Variants in LRP1B observed in about 807,000 individuals in gnomAD.
The protein encoded by LRP1B is LDL receptor related protein 1B, also known as low-density lipoprotein receptor-related protein 1B.
LRP1B carries 217 observed loss-of-function variants against 556.6 expected under a neutral mutation model. The ratio of observed to expected loss-of-function variants is 0.39; its 90% confidence interval spans 0.35 to 0.44. The LOEUF is 0.44. Ranked by LOEUF, LRP1B falls within the 20% of genes least tolerant of loss-of-function variation. LRP1B has a pLI of 1.00. For missense variants in LRP1B, 5,053 were observed against 5,620.8 expected, an observed-to-expected ratio of 0.90 and a Z score of 3.23; for synonymous variants, 2,047 against 1,865.8, an observed-to-expected ratio of 1.10 and a Z score of -2.50.
intron 32 of LRP1B, among the ~76,000 whole-genome samples, chr2:140,801,074 A>G (rs1253000693): frequency 6.6e-6 from 1 of 152,078 alleles, no homozygotes; most frequent in Non-Finnish European, 1.5e-5. Context: ...CCATTATTCT[A>G]TTTATTCATA....
chr2:140,606,156 T>C (rs952943871), intron 41 of LRP1B, among the ~76,000 whole-genome samples: 3 of 151,940 alleles, frequency 2.0e-5, no homozygotes, highest in Admixed American at 2.0e-4. Flanking sequence ...TTAATAGAAA[T>C]GTATACTCAG....
At chr2:142,005,904 A>C (rs1025605853) in intron 1 of LRP1B, among the ~76,000 whole-genome samples, 3 of 151,952 alleles carry the variant, frequency 2.0e-5, no homozygotes, top group Middle Eastern at 3.4e-3. Flanking sequence ...AAAAGAAAAA[A>C]AAAAGAAAAA....
intron 3 of LRP1B, among the ~76,000 whole-genome samples, chr2:141,280,985 T>G (rs934450874): frequency 1.3e-5 from 2 of 152,036 alleles, no homozygotes; most frequent in Non-Finnish European, 2.9e-5. Flanking sequence ...TATCATAATA[T>G]TATTCATTTC....
At chr2:140,998,856 G>A (rs971433414) in intron 15 of LRP1B, among the ~76,000 whole-genome samples, 3 of 152,038 alleles carry the variant, frequency 2.0e-5, no homozygotes, top group Non-Finnish European at 4.4e-5. Context: ...CACAATGGCT[G>A]CAACTTTGTT....
intron 7 of LRP1B, among the ~76,000 whole-genome samples, chr2:141,078,376 C>G (rs2104876608): frequency 6.6e-6 from 1 of 152,274 alleles, no homozygotes; most frequent in South Asian, 2.1e-4. Flanking sequence ...GCTTCGTTGA[C>G]ATGGCAGAAC....
chr2:140,670,376 T>G (rs1398052260), intron 41 of LRP1B, among the ~76,000 whole-genome samples: 1 of 152,192 alleles, frequency 6.6e-6, no homozygotes, highest in African/African-American at 2.4e-5. Flanking sequence ...AGTGATTTAA[T>G]AGCCTCCGCA....
chr2:142,012,875 T>C (rs1203257961), intron 1 of LRP1B, among the ~76,000 whole-genome samples: 1 of 152,152 alleles, frequency 6.6e-6, no homozygotes, highest in East Asian at 1.9e-4. Context: ...ATCTGTCAGG[T>C]CTCTAATTCC....
intron 1 of LRP1B, among the ~76,000 whole-genome samples, chr2:141,825,444 T>C (rs557405949): frequency 1.3e-5 from 2 of 152,156 alleles, no homozygotes; most frequent in East Asian, 3.9e-4. Context: ...AACTGTATCA[T>C]CAAATAAGTC....
At chr2:141,729,789 C>A (rs1362607536) in intron 2 of LRP1B, among the ~76,000 whole-genome samples, 2 of 152,046 alleles carry the variant, frequency 1.3e-5, no homozygotes, top group Non-Finnish European at 2.9e-5. Context: ...ATTCTGTTCA[C>A]ATTTGAGTAG....
At chr2:140,832,026 T>C (rs938090027) in intron 31 of LRP1B, among the ~76,000 whole-genome samples, 3 of 152,144 alleles carry the variant, frequency 2.0e-5, no homozygotes, top group African/African-American at 4.8e-5. Flanking sequence ...TAACAGTAGC[T>C]AGTGAGGAGG....
At chr2:140,948,843 T>C (rs1695621452) in intron 20 of LRP1B, among the ~76,000 whole-genome samples, 1 of 152,230 alleles carries the variant, frequency 6.6e-6, no homozygotes, top group Non-Finnish European at 1.5e-5. Flanking sequence ...TCACACAATA[T>C]GTATTTTAAT....
intron 84 of LRP1B, among the ~76,000 whole-genome samples, chr2:140,284,173 G>C (rs1221271255): frequency 1.3e-5 from 2 of 151,596 alleles, no homozygotes; most frequent in African/African-American, 4.8e-5. Flanking sequence ...TACTGTGTTA[G>C]TATCTACAGT....
intron 35 of LRP1B, among the ~76,000 whole-genome samples, chr2:140,739,808 A>G (rs905348142): frequency 1.3e-5 from 2 of 152,198 alleles, no homozygotes; most frequent in Non-Finnish European, 2.9e-5. Flanking sequence ...AGAAACTTCA[A>G]TGAACCCAAA....
intron 29 of LRP1B, among the ~76,000 whole-genome samples, chr2:140,845,962 C>G (rs1468963240): frequency 6.6e-6 from 1 of 152,034 alleles, no homozygotes; most frequent in Non-Finnish European, 1.5e-5. Flanking sequence ...TTAGAGAAAA[C>G]AGAGGATTTT....
At position 140,303,827 on chromosome 2, in the gene LRP1B, A is replaced by T. The variant is rs902639219; in HGVS notation, c.12806-5858T>A. Among the ~76,000 whole-genome samples, 13 of 150,732 alleles carry T rather than the reference A, an allele frequency of 8.6e-5. No individual in the cohort carries two copies. In the East Asian group the frequency reaches 2.4e-3, roughly 28 times the overall value. ...TCCCCCCCTCCTCCCACCCAATGAC[A>T]GGCCCCAGTGTATGATGTTCCCCTT... On this transcript the variant is annotated intron_variant, in intron 83 of 90. Coordinates refer to ENST00000389484, the MANE Select transcript of LRP1B (RefSeq NM_018557.3).
At chr2:140,843,190 T>C (rs1427298583) in intron 29 of LRP1B, among the ~76,000 whole-genome samples, 1 of 150,638 alleles carries the variant, frequency 6.6e-6, no homozygotes, top group African/African-American at 2.4e-5. Flanking sequence ...CTTAATAATA[T>C]GGCCTGGAGA....
intron 7 of LRP1B, among the ~76,000 whole-genome samples, chr2:141,145,801 G>A (rs1254669556): frequency 1.3e-5 from 2 of 151,916 alleles, no homozygotes; most frequent in African/African-American, 4.8e-5. Flanking sequence ...CCAAAGTGCT[G>A]GGACTACAGG....
At chr2:140,850,804 T>G (rs1692434429) in intron 28 of LRP1B, among the ~76,000 whole-genome samples, 1 of 152,212 alleles carries the variant, frequency 6.6e-6, no homozygotes, top group African/African-American at 2.4e-5. Context: ...GTTCAAATAA[T>G]TTAAAGCGTG....
At chr2:141,740,853 G>A (rs1011528222) in intron 2 of LRP1B, among the ~76,000 whole-genome samples, 4 of 152,068 alleles carry the variant, frequency 2.6e-5, no homozygotes, top group Admixed American at 6.6e-5. Context: ...AAAATGTGGA[G>A]GATGTCCATG....
Sources: gnomAD v4.1 joint callset for allele counts (sites outside exome capture counted in the v4.1 genomes callset) on GRCh38, gnomAD v4.1.1 for gene constraint, MANE v1.5 for transcripts, NCBI Gene and HGNC (gene_info 2026-07-23, HGNC 2026-07-21) for gene names.